NIM1K: variants seen among roughly 807,000 people sequenced by gnomAD.
The protein encoded by NIM1K is NIM1 serine/threonine protein kinase, also known as serine/threonine-protein kinase NIM1.
Under a neutral mutation model 37.1 loss-of-function variants are expected in NIM1K, and 35 were observed. That is an observed-to-expected ratio of 0.94 (90% CI 0.72 to 1.25). NIM1K has a LOEUF of 1.25. Ranked by LOEUF, NIM1K falls within the 50% of genes most tolerant of loss-of-function variation. The pLI is 0.00. For missense variants in NIM1K, 564 were observed against 548.0 expected, an observed-to-expected ratio of 1.03 and a Z score of -0.29; for synonymous variants, 234 against 206.6, an observed-to-expected ratio of 1.13 and a Z score of -1.14.
chr5:43,210,089 T>C (rs997056124), intron 1 of NIM1K, among the ~76,000 whole-genome samples: 1 of 151,674 alleles, frequency 6.6e-6, no homozygotes, highest in Non-Finnish European at 1.5e-5. Context: ...CAGACAGGAT[T>C]TGAAGATGTT....
rs562200095 is a variant in NIM1K at position 43,256,691 on chromosome 5, A to C, written c.292+10624A>C. ...AGCCATTGGAGCCTCCTCTGCATGC[A>C]TGGTAGCCCAGAAGTACAGAATGCA... On this transcript the variant is annotated intron_variant, in intron 2 of 3. Coordinates refer to ENST00000326035, the MANE Select transcript of NIM1K (RefSeq NM_153361.4). 7.2e-5 allele frequency among the ~76,000 whole-genome samples: 11 copies of C among 152,260 alleles called. No homozygotes were observed. In the South Asian group the frequency reaches 2.3e-3, roughly 32 times the overall value.
At chr5:43,243,511 G>A (rs1752734624) in intron 1 of NIM1K, among the ~76,000 whole-genome samples, 1 of 151,688 alleles carries the variant, frequency 6.6e-6, no homozygotes, top group African/African-American at 2.4e-5. Flanking sequence ...AAAGGAGTCT[G>A]TGAGCCCAGG....
At chr5:43,231,504 C>G (rs762014641) in intron 1 of NIM1K, among the ~76,000 whole-genome samples, 1 of 151,584 alleles carries the variant, frequency 6.6e-6, no homozygotes, top group Non-Finnish European at 1.5e-5. Context: ...AATGCCACCT[C>G]TATTACATAT....
chr5:43,215,684 T>C (rs999658632), intron 1 of NIM1K, among the ~76,000 whole-genome samples: 3 of 152,210 alleles, frequency 2.0e-5, no homozygotes, highest in Non-Finnish European at 4.4e-5. Context: ...TCTGCCCACC[T>C]GGGCCTCCCA....
intron 1 of NIM1K, among the ~76,000 whole-genome samples, chr5:43,205,178 G>A (rs544426169): frequency 6.6e-6 from 1 of 152,332 alleles, no homozygotes; most frequent in African/African-American, 2.4e-5. Context: ...GAGGGAGGCA[G>A]CAAGTGGAAT....
intron 1 of NIM1K, among the ~76,000 whole-genome samples, chr5:43,198,671 C>T (rs1243152142): frequency 6.6e-6 from 1 of 152,190 alleles, no homozygotes; most frequent in East Asian, 1.9e-4. Context: ...TTGCCTGTGG[C>T]ACACACAGCT....
intron 1 of NIM1K, among the ~76,000 whole-genome samples, chr5:43,234,097 G>A (rs187517209): frequency 3.8e-4 from 58 of 152,272 alleles, no homozygotes; most frequent in Admixed American, 1.0e-3. Context: ...TAAATACACA[G>A]TTTTCACCTT....
chr5:43,242,811 T>G (rs1752723463), intron 1 of NIM1K: 1 of 151,702 alleles, frequency 6.6e-6, no homozygotes, highest in Non-Finnish European at 1.5e-5. Context: ...GGTGCTTTTT[T>G]TTTTTTTCAG....
chr5:43,260,710 A>G (rs955030119), intron 2 of NIM1K, among the ~76,000 whole-genome samples: 1 of 152,092 alleles, frequency 6.6e-6, no homozygotes, highest in Non-Finnish European at 1.5e-5. Context: ...TGCTGTACCC[A>G]TTAACTGATC....
At chr5:43,270,869 G>T (rs1215846265) in intron 2 of NIM1K, among the ~76,000 whole-genome samples, 1 of 152,206 alleles carries the variant, frequency 6.6e-6, no homozygotes, top group Non-Finnish European at 1.5e-5. Context: ...CAGCCTCCCA[G>T]TTGCTCAACT....
intron 1 of NIM1K, among the ~76,000 whole-genome samples, chr5:43,241,398 C>T (rs931243544): frequency 2.7e-5 from 4 of 150,232 alleles, no homozygotes; most frequent in Non-Finnish European, 5.9e-5. Context: ...TGTGCTATCT[C>T]GGCACTCGGC....
intron 3 of NIM1K, among the ~76,000 whole-genome samples, chr5:43,277,688 GCCCTC>G (rs1440563648): frequency 6.6e-6 from 1 of 151,716 alleles, no homozygotes; most frequent in Non-Finnish European, 1.5e-5. Context: ...TGTCTAGGAT[GCCCTC>G]ATATGACATC....
At position 43,261,528 on chromosome 5, in the gene NIM1K, G is replaced by A. The variant is rs1405671485; in HGVS notation, c.292+15461G>A. Among the ~76,000 whole-genome samples, 4 of 152,220 alleles carry A rather than the reference G, an allele frequency of 2.6e-5. No homozygotes were observed. In the East Asian group the frequency reaches 7.7e-4, roughly 29 times the overall value. ...ATATTAGCCCTTTGTCAGGTGGGTA[G>A]ATTGCAAAAATTTTCTCCCATTCTG... On this transcript the variant is annotated intron_variant, in intron 2 of 3. Transcript: ENST00000326035.
chr5:43,193,667 G>A (rs1273683256), intron 1 of NIM1K: 1 of 152,164 alleles, frequency 6.6e-6, no homozygotes, highest in Non-Finnish European at 1.5e-5. Context: ...GTGAATATTT[G>A]TTTATGGTAA....
At chr5:43,265,790 A>T (rs1753138215) in intron 2 of NIM1K, among the ~76,000 whole-genome samples, 1 of 152,274 alleles carries the variant, frequency 6.6e-6, no homozygotes, top group African/African-American at 2.4e-5. Context: ...ATGGTGACCT[A>T]CAGATGGGAT....
At chr5:43,277,815 T>TGTGTGTGTGTGTGTGTGTGA (rs532526440) in intron 3 of NIM1K, among the ~76,000 whole-genome samples, 1 of 128,948 alleles carries the variant, frequency 7.8e-6, no homozygotes, top group African/African-American at 2.9e-5. Context: ...TGTGTGTGTG[T>TGTGTGTGTGTGTGTGTGTGA]GAGAGAGAGA....
chr5:43,203,855 G>A (rs1043645406), intron 1 of NIM1K, among the ~76,000 whole-genome samples: 9 of 151,742 alleles, frequency 5.9e-5, no homozygotes, highest in East Asian at 2.0e-4. Flanking sequence ...GTGAAACCCC[G>A]TCTCTACTAG....
chr5:43,280,412 A>C lies in NIM1K; in HGVS notation c.994A>C (p.Thr332Pro). Residue 332 changes from threonine (T) to proline (P), a missense_variant, in exon 4 of 4, where the codon ACA becomes CCA. By Grantham distance (38) the Thr-to-Pro change is conservative. Transcript: ENST00000326035. Reference sequence around the variant, plus strand: ...ATGGATGCAAGGGGTGCCATACCCTACACCTTTGGAACCTTTCCAACTGGA... The same window carrying C: ...ATGGATGCAAGGGGTGCCATACCCTCCACCTTTGGAACCTTTCCAACTGGA... ...DEWMQGVPYPTPLEPFQLDPK... is the reference protein window; with the variant it reads ...DEWMQGVPYPPPLEPFQLDPK... The C allele has an allele frequency of 6.2e-7, 1 of 1,614,188 alleles. No individual in the cohort carries two copies. The highest frequency in any genetic ancestry group is 8.5e-7 in the Non-Finnish European group (1 of 1,180,020).
chr5:43,246,546 A>G (rs903796105), intron 2 of NIM1K, among the ~76,000 whole-genome samples: 31 of 152,152 alleles, frequency 2.0e-4, no homozygotes, highest in Admixed American at 8.5e-4. Flanking sequence ...GCGGCACAGG[A>G]GATCCCCCCG....
Sources: gnomAD v4.1 joint callset for allele counts (sites outside exome capture counted in the v4.1 genomes callset) on GRCh38, gnomAD v4.1.1 for gene constraint, MANE v1.5 for transcripts, NCBI Gene and HGNC (gene_info 2026-07-23, HGNC 2026-07-21) for gene names.